SDE2: variants seen among roughly 807,000 people sequenced by gnomAD.
SDE2 encodes splicing regulator SDE2.
SDE2 carries 31 observed loss-of-function variants against 46.9 expected under a neutral mutation model. The observed-to-expected ratio is 0.66, with a 90% CI of 0.50 to 0.89. SDE2 has a LOEUF of 0.89. SDE2 is among the 40% of genes least tolerant of loss of function. The pLI, the probability that SDE2 is intolerant of heterozygous loss-of-function variation, is 0.00. For missense variants in SDE2, 542 were observed against 564.4 expected (o/e 0.96, Z 0.40); for synonymous variants, 205 against 204.3 (o/e 1.00, Z -0.03).
At chr1:225,986,653 C>T (rs1254157732) in intron 6 of SDE2, among the ~76,000 whole-genome samples, 1 of 152,164 alleles carries the variant, frequency 6.6e-6, no homozygotes, top group Non-Finnish European at 1.5e-5. Flanking sequence ...AACTCCATGG[C>T]TAACACTGAA....
intron 5 of SDE2, among the ~76,000 whole-genome samples, chr1:225,989,080 C>CTT (rs1156775633): frequency 5.3e-5 from 8 of 151,148 alleles, no homozygotes; most frequent in Admixed American, 6.6e-5. Context: ...GGGTGGATCA[C>CTT]AAGGTCAGGA....
intron 2 of SDE2, among the ~76,000 whole-genome samples, chr1:225,993,583 G>A (rs1656452414): frequency 6.6e-6 from 1 of 151,452 alleles, no homozygotes; most frequent in East Asian, 1.9e-4. Context: ...CTGCACTCCA[G>A]CCTGGGAAAC....
intron 5 of SDE2, among the ~76,000 whole-genome samples, chr1:225,989,860 G>C (rs917826278): frequency 6.6e-6 from 1 of 151,984 alleles, no homozygotes; most frequent in Non-Finnish European, 1.5e-5. Context: ...AGGATCACCT[G>C]CTCAGGAGTT....
intron 5 of SDE2, among the ~76,000 whole-genome samples, chr1:225,990,072 T>A: frequency 6.9e-6 from 1 of 145,296 alleles, no homozygotes; most frequent in Non-Finnish European, 1.5e-5. Context: ...GAGGAACCTG[T>A]CTCAAAAAAA....
rs1035497909 is a variant in SDE2, at chr1:225,999,276, G to A, written c.37C>T (p.Pro13Ser). 1.2e-6 allele frequency: 2 copies of A among 1,612,306 alleles called. No individual in the cohort carries two copies. The highest frequency in any genetic ancestry group is 3.3e-5 in the Admixed American group (2 of 59,806). ...EAAALVWIRG[P>S]GFGCKAVRCA... ...CGCACCGCCTTGCACCCGAAGCCAG[G>A]GCCGCGAATCCACACCAGCGCCGCG... The change falls in exon 1 of 7, where the codon CCT becomes TCT. Residue 13 changes from proline (P) to serine (S), a missense_variant. By Grantham distance (74) the Pro-to-Ser change is moderately conservative. Around this residue, in one of 3 missense-constraint regions of SDE2, gnomAD observed 135 missense variants for 106.5 expected, o/e 1.27. Coordinates refer to ENST00000272091, the MANE Select transcript of SDE2 (RefSeq NM_152608.4).
In SDE2 at chr1:225,984,384, T is replaced by A. The variant is rs1656223091; in HGVS notation, c.*918A>T. 6.6e-6 allele frequency: 1 copy of A among 152,012 alleles called. No homozygotes were observed. Among genetic ancestry groups the A allele is most frequent in the Non-Finnish European group, 1.5e-5 (1 of 68,022 alleles). 9.4% of individuals were successfully genotyped at this position (152,012 alleles called of 1,614,324 possible). A position where few individuals can be genotyped will look rare whatever the true frequency, so the allele number is the denominator to read the frequency against. ...TATTTTAAATAACGTCTAAGATCAA[T>A]GACCTAAGGCTTATCTTAAGGAACT... On this transcript the variant is annotated 3_prime_UTR_variant, in exon 7 of 7. Transcript: ENST00000272091.
intron 4 of SDE2, 80 bp downstream of exon 4, chr1:225,992,318 C>G: frequency 2.0e-6 from 2 of 988,468 alleles, no homozygotes; most frequent in Non-Finnish European, 3.0e-6. Context: ...AAGAACTGCT[C>G]TTTGTGCGTA....
At position 225,992,872 on chromosome 1, in the gene SDE2, A is replaced by C. The variant is rs767423360; in HGVS notation, c.350+19T>G. 1 of 1,444,768 alleles carries C rather than the reference A, an allele frequency of 6.9e-7. No homozygotes were observed. Among genetic ancestry groups the C allele is most frequent in the Non-Finnish European group, 9.7e-7 (1 of 1,026,180 alleles). 89.5% of individuals were successfully genotyped at this position (1,444,768 alleles called of 1,614,324 possible). ...TATATGTCTCTCCTCAAAAACACAA[A>C]AAAAGGTGGGCATCTTACGCTTTTT... is the stretch of plus-strand genomic sequence containing the variant. On this transcript the variant is annotated intron_variant, in intron 3 of 6. Coordinates refer to ENST00000272091, the MANE Select transcript of SDE2 (RefSeq NM_152608.4).
intron 4 of SDE2, 35 bp downstream of exon 4, chr1:225,992,363 G>A: frequency 6.4e-7 from 1 of 1,571,680 alleles, no homozygotes; most frequent in Non-Finnish European, 8.7e-7. Context: ...CTTCAGGGGT[G>A]CCAGCTGAAC....
rs74148410 is a variant in SDE2, at chr1:225,990,206, G to A, written c.641+1037C>T. ...CTGTGGTACATTCACACCATGAAAC[G>A]ATACGGAGTGATAAAAAAGAATGAA... On this transcript the variant is annotated intron_variant, in intron 5 of 6. Coordinates refer to ENST00000272091, the MANE Select transcript of SDE2 (RefSeq NM_152608.4). 8.7e-3 allele frequency among the ~76,000 whole-genome samples: 1,330 copies of A among 152,110 alleles called. 19 individuals are homozygous for A. Among genetic ancestry groups the A allele is most frequent in the African/African-American group, 0.03 (1,253 of 41,502 alleles).
intron 4 of SDE2, 22 bp downstream of exon 4, chr1:225,992,376 A>G (rs751232865): frequency 6.2e-7 from 1 of 1,605,898 alleles, no homozygotes; most frequent in Non-Finnish European, 8.5e-7. Context: ...AGCTGAACAC[A>G]CTAAGGAATC....
Position 225,999,329 on chromosome 1 carries a change from A to C in SDE2, c.-17T>G. 1 of 1,605,870 alleles carries C rather than the reference A, an allele frequency of 6.2e-7. No individual in the cohort carries two copies. Among genetic ancestry groups the C allele is most frequent in the Non-Finnish European group, 8.5e-7 (1 of 1,176,170 alleles). On this transcript the variant is annotated 5_prime_UTR_variant, in exon 1 of 7. Coordinates refer to ENST00000272091, the MANE Select transcript of SDE2 (RefSeq NM_152608.4). ...CTCCGCCATGTCACCGACTACCCGA[A>C]CCTCAAGCCTCTCTGAGACACCAGG... is the stretch of plus-strand genomic sequence containing the variant.
intron 5 of SDE2, among the ~76,000 whole-genome samples, chr1:225,989,286 A>C (rs1656339067): frequency 1.2e-5 from 1 of 84,124 alleles, no homozygotes; most frequent in Non-Finnish European, 2.7e-5. Flanking sequence ...ACAGAGCAAG[A>C]CTGTCTCAAA....
At chr1:225,990,491 A>G (rs185308497) in intron 5 of SDE2, among the ~76,000 whole-genome samples, 33 of 152,318 alleles carry the variant, frequency 2.2e-4, no homozygotes, top group African/African-American at 7.5e-4. Context: ...TAGTACATAT[A>G]CATTTTTCAA....
rs548540951 is a variant in SDE2 at position 225,992,336 on chromosome 1, G to A, written c.520+62C>T. ...AACTGCTCTTTGTGCGTAGTGTAGAGCAGTCTGAACAGCTGGCTTCAGGGG... is the reference window on the plus strand; with the variant it reads ...AACTGCTCTTTGTGCGTAGTGTAGAACAGTCTGAACAGCTGGCTTCAGGGG... On this transcript the variant is annotated intron_variant, in intron 4 of 6. Transcript: ENST00000272091. 1.2e-3 allele frequency: 1,436 copies of A among 1,215,464 alleles called. 4 individuals carry two copies. Among genetic ancestry groups the A allele is most frequent in the Non-Finnish European group, 1.5e-3 (1,223 of 832,184 alleles). 75.3% of individuals were successfully genotyped at this position (1,215,464 alleles called of 1,614,324 possible). A position where few individuals can be genotyped will look rare whatever the true frequency, so the allele number is the denominator to read the frequency against.
chr1:225,998,769 T>C (rs1042822476), intron 1 of SDE2, among the ~76,000 whole-genome samples: 3 of 152,276 alleles, frequency 2.0e-5, no homozygotes, highest in Non-Finnish European at 2.9e-5. Context: ...GGTTTGGATA[T>C]GACATACTTC....
At chr1:225,996,912 A>T (rs185667926) in intron 1 of SDE2, among the ~76,000 whole-genome samples, 7 of 152,376 alleles carry the variant, frequency 4.6e-5, no homozygotes, top group Admixed American at 3.9e-4. Flanking sequence ...GTGTCCAGAA[A>T]CCCTTAATGG....
rs902921386 is a variant in SDE2, at chr1:225,984,563, C to A, written c.*739G>T. 1 of 152,254 alleles carries A rather than the reference C, an allele frequency of 6.6e-6. No individual in the cohort carries two copies. Among genetic ancestry groups the A allele is most frequent in the Admixed American group, 6.5e-5 (1 of 15,284 alleles). The allele number at this position is 152,254 out of a possible 1,614,324, so 9.4% of individuals were successfully genotyped here. On this transcript the variant is annotated 3_prime_UTR_variant, in exon 7 of 7. Transcript: ENST00000272091. Reference sequence around the variant, plus strand: ...CGGTGGCTCACGCCTGTAATCCCAGCACTCTGGGAGGCTGAGGCGGGTGGA... The same window carrying A: ...CGGTGGCTCACGCCTGTAATCCCAGAACTCTGGGAGGCTGAGGCGGGTGGA...
At chr1:225,992,258 T>A in intron 4 of SDE2, 140 bp downstream of exon 4, 1 of 575,432 alleles carries the variant, frequency 1.7e-6, no homozygotes, top group Non-Finnish European at 3.0e-6. Context: ...AGGATAAAAG[T>A]GCCAAGGTTT....
Sources: allele counts gnomAD v4.1 joint callset (sites outside exome capture counted in the v4.1 genomes callset), GRCh38; gene constraint gnomAD v4.1.1; regional missense constraint gnomAD v4.1.1; transcripts MANE v1.5; gene names NCBI Gene and HGNC (gene_info 2026-07-23, HGNC 2026-07-21).